The following GRID2 variants were observed in gnomAD, a reference collection of about 807,000 sequenced individuals.
The protein encoded by GRID2 is glutamate receptor ionotropic, delta-2.
In GRID2, 33 loss-of-function variants were observed where a neutral mutation model predicts 114.8. The ratio of observed to expected loss-of-function variants is 0.29; its 90% confidence interval spans 0.22 to 0.38. GRID2 has a LOEUF of 0.38. GRID2 is among the 10% of genes least tolerant of loss of function. The pLI is 1.00. For synonymous variants in GRID2, 505 were observed against 449.9 expected, an observed-to-expected ratio of 1.12 and a Z score of -1.55; for missense variants, 1,184 against 1,257.7, an observed-to-expected ratio of 0.94 and a Z score of 0.89.
At chr4:92,577,903 C>A (rs1727973818) in intron 1 of GRID2, among the ~76,000 whole-genome samples, 1 of 151,908 alleles carries the variant, frequency 6.6e-6, no homozygotes, top group African/African-American at 2.4e-5. Context: ...GGGCGGTAAG[C>A]AAAGATGCCA....
chr4:92,758,768 A>T (rs1429369850), intron 2 of GRID2, among the ~76,000 whole-genome samples: 1 of 152,176 alleles, frequency 6.6e-6, no homozygotes, highest in African/African-American at 2.4e-5. Context: ...CATTTTAATT[A>T]AAGTATTTCC....
chr4:93,538,848 A>G (rs1732369660), intron 13 of GRID2, among the ~76,000 whole-genome samples: 1 of 151,750 alleles, frequency 6.6e-6, no homozygotes, highest in Non-Finnish European at 1.5e-5. Context: ...AACTAAATGT[A>G]ATGTTTGATA....
chr4:92,720,698 C>G (rs910720615), intron 2 of GRID2, among the ~76,000 whole-genome samples: 1 of 151,894 alleles, frequency 6.6e-6, no homozygotes, highest in South Asian at 2.1e-4. Flanking sequence ...TTATAATAAC[C>G]TAATATATAT....
chr4:93,448,857 T>C (rs1380400142), intron 10 of GRID2, among the ~76,000 whole-genome samples: 2 of 22,312 alleles, frequency 9.0e-5, no homozygotes, highest in African/African-American at 2.5e-4. Flanking sequence ...TTCCCTTCCC[T>C]TCCCCTTCCC....
intron 2 of GRID2, among the ~76,000 whole-genome samples, chr4:92,832,284 T>TA (rs544661745): frequency 7.5e-4 from 114 of 151,858 alleles, no homozygotes; most frequent in African/African-American, 2.6e-3. Flanking sequence ...TACTAAAAAT[T>TA]AAAAAAATAA....
At chr4:93,412,143 C>T (rs1374150840) in intron 9 of GRID2, among the ~76,000 whole-genome samples, 1 of 151,510 alleles carries the variant, frequency 6.6e-6, no homozygotes, top group Non-Finnish European at 1.5e-5. Context: ...AGGCTGGGTT[C>T]TGTGGCTCAT....
At chr4:93,031,731 G>C (rs1399732190) in intron 2 of GRID2, among the ~76,000 whole-genome samples, 1 of 151,744 alleles carries the variant, frequency 6.6e-6, no homozygotes, top group African/African-American at 2.4e-5. Flanking sequence ...GTGGAACTGT[G>C]GGTCAATTAA....
intron 2 of GRID2, among the ~76,000 whole-genome samples, chr4:93,042,295 CTCTCTA>C (rs748114544): frequency 0.11 from 10,676 of 94,314 alleles, 404 homozygotes; most frequent in Admixed American, 0.17. Context: ...CTCTCTCTCT[CTCTCTA>C]TATATATATA....
chr4:93,033,813 G>A (rs1175355733), intron 2 of GRID2, among the ~76,000 whole-genome samples: 12 of 152,014 alleles, frequency 7.9e-5, no homozygotes, highest in Non-Finnish European at 4.4e-5. Flanking sequence ...GACCTCAACT[G>A]TTCACCACAT....
intron 13 of GRID2, among the ~76,000 whole-genome samples, chr4:93,545,393 C>CCCAGAGA (rs1192193497): frequency 6.6e-6 from 1 of 152,040 alleles, no homozygotes; most frequent in Admixed American, 6.6e-5. Flanking sequence ...GTCAGAGAGA[C>CCCAGAGA]CAACAAGTTC....
intron 2 of GRID2, among the ~76,000 whole-genome samples, chr4:92,787,602 C>G (rs1339545585): frequency 6.6e-6 from 1 of 151,812 alleles, no homozygotes; most frequent in Non-Finnish European, 1.5e-5. Flanking sequence ...GATGGCATCA[C>G]TTAAGGTTTT....
chr4:92,419,536 A>T (rs1289136041), intron 1 of GRID2, among the ~76,000 whole-genome samples: 2 of 152,164 alleles, frequency 1.3e-5, no homozygotes, highest in Non-Finnish European at 2.9e-5. Context: ...AAGAAGCCAG[A>T]TTGAAGTCAT....
chr4:93,290,012 A>G (rs1366331824), intron 8 of GRID2, among the ~76,000 whole-genome samples: 3 of 152,216 alleles, frequency 2.0e-5, no homozygotes, highest in East Asian at 1.9e-4. Flanking sequence ...TCCAGTGTAT[A>G]TTAAAGTGCT....
chr4:92,364,632 T>C (rs1303256198), intron 1 of GRID2, among the ~76,000 whole-genome samples: 1 of 151,910 alleles, frequency 6.6e-6, no homozygotes. Flanking sequence ...GTCTCTGTGG[T>C]TAAAGAGACT....
chr4:93,202,069 G>A (rs1742165871), intron 4 of GRID2, among the ~76,000 whole-genome samples: 1 of 151,960 alleles, frequency 6.6e-6, no homozygotes, highest in Non-Finnish European at 1.5e-5. Context: ...GATTATTAAT[G>A]TGCACATGTA....
At chr4:93,243,520 T>C (rs1747785845) in intron 8 of GRID2, among the ~76,000 whole-genome samples, 1 of 152,034 alleles carries the variant, frequency 6.6e-6, no homozygotes, top group South Asian at 2.1e-4. Flanking sequence ...GCTCAGTGTA[T>C]ACAAAGACTG....
Position 92,440,211 on chromosome 4 carries a change from C to T in GRID2, c.88+135467C>T, listed in dbSNP as rs1205520075. Among the ~76,000 whole-genome samples, 34 of 145,864 alleles carry T rather than the reference C, an allele frequency of 2.3e-4. 1 individual carries two copies. Among genetic ancestry groups the T allele is most frequent in the South Asian group, 1.2e-3 (5 of 4,314 alleles). ...TAGTCCGTTCTACTTTTCTTGAAGA[C>T]GGAGGACCTTAAGGGATATAAAGGT... is the stretch of plus-strand genomic sequence containing the variant. On this transcript the variant is annotated intron_variant, in intron 1 of 15. Transcript: ENST00000282020.
chr4:93,207,503 C>T lies in GRID2; in HGVS notation c.789+46C>T, dbSNP rs763335213. 3.4e-6 allele frequency: 4 copies of T among 1,190,112 alleles called. No individual in the cohort carries two copies. In the South Asian group the frequency reaches 5.2e-5, roughly 15 times the overall value. The allele number at this position is 1,190,112 out of a possible 1,614,324, so 73.7% of individuals were successfully genotyped here. On this transcript the variant is annotated intron_variant, in intron 5 of 15. Transcript: ENST00000282020. ...TTGTTAACTCTGTGTCCTTTTTTCA[C>T]ATATATAATTGTAGCATTTCCAATG...
intron 2 of GRID2, among the ~76,000 whole-genome samples, chr4:92,688,672 C>T (rs1371972993): frequency 6.6e-6 from 1 of 152,172 alleles, no homozygotes; most frequent in African/African-American, 2.4e-5. Context: ...TCCACCACAT[C>T]TGCAGTTACT....
Sources: gnomAD v4.1 joint callset for allele counts (sites outside exome capture counted in the v4.1 genomes callset) on GRCh38, gnomAD v4.1.1 for gene constraint, MANE v1.5 for transcripts, NCBI Gene and HGNC (gene_info 2026-07-23, HGNC 2026-07-21) for gene names.